The following FKBP5 variants were observed in gnomAD, a reference collection of about 807,000 sequenced individuals.
The protein encoded by FKBP5 is FKBP prolyl isomerase 5.
FKBP5 carries 23 observed loss-of-function variants against 50.5 expected under a neutral mutation model. That is an observed-to-expected ratio of 0.46 (90% confidence interval 0.33 to 0.65). FKBP5 has a LOEUF of 0.65. Ranked by LOEUF, FKBP5 falls within the 30% of genes least tolerant of loss-of-function variation. The pLI is 0.02. For synonymous variants in FKBP5, 176 were observed against 190.6 expected (o/e 0.92, Z 0.63); for missense variants, 411 against 553.1 (o/e 0.74, Z 2.58).
At chr6:35,695,312 C>T (rs1236479179) in intron 2 of FKBP5, among the ~76,000 whole-genome samples, 7 of 152,234 alleles carry the variant, frequency 4.6e-5, no homozygotes, top group South Asian at 2.1e-4. Flanking sequence ...TACAGGTGCA[C>T]GCCACAACGC....
At chr6:35,682,140 C>G (rs1765684890) in intron 1 of FKBP5, among the ~76,000 whole-genome samples, 1 of 142,414 alleles carries the variant, frequency 7.0e-6, no homozygotes, top group Admixed American at 6.9e-5. Context: ...AACAGTGTTA[C>G]CATCCACTAG....
rs1468534749 is a variant in FKBP5, at chr6:35,719,316, G to A, written c.-20+1012C>T. 3.9e-5 allele frequency among the ~76,000 whole-genome samples: 6 copies of A among 152,140 alleles called. No individual in the cohort carries two copies. In the East Asian group the frequency reaches 5.8e-4, roughly 15 times the overall value. ...AGAAATCAGAATCAGTTGCCTCTGCGGTAGAGACTGACTGGAAGGGGGCAC... is the reference window on the plus strand; with the variant it reads ...AGAAATCAGAATCAGTTGCCTCTGCAGTAGAGACTGACTGGAAGGGGGCAC... On this transcript the variant is annotated intron_variant, in intron 2 of 11. Coordinates refer to the FKBP5 transcript ENST00000536438.
chr6:35,692,443 G>A (rs570148975), upstream of FKBP5, among the ~76,000 whole-genome samples: 3 of 152,272 alleles, frequency 2.0e-5, no homozygotes, highest in Admixed American at 6.5e-5. Context: ...AACTACTACC[G>A]AGCTACCTTC....
At chr6:35,625,560 T>C (rs1219490596) in intron 3 of FKBP5, among the ~76,000 whole-genome samples, 2 of 149,986 alleles carry the variant, frequency 1.3e-5, no homozygotes, top group Non-Finnish European at 3.0e-5. Flanking sequence ...CACGGTGAAA[T>C]CCCGTCTCTA....
chr6:35,663,198 GA>G (rs780472071), intron 1 of FKBP5, among the ~76,000 whole-genome samples: 1 of 152,184 alleles, frequency 6.6e-6, no homozygotes, highest in East Asian at 1.9e-4. Context: ...AGCTGAGGGG[GA>G]GGGCTTCTCA....
chr6:35,685,958 G>A (rs1199647746), intron 1 of FKBP5, among the ~76,000 whole-genome samples: 1 of 146,086 alleles, frequency 6.8e-6, no homozygotes, highest in African/African-American at 2.6e-5. Context: ...CTCCAGCCTG[G>A]GCAACAAGAG....
At position 35,575,879 on chromosome 6, in the gene FKBP5, CTGTT is replaced by C. The variant is rs771124265; in HGVS notation, c.1326_1329del (p.Asp444ValfsTer24). 1.2e-6 allele frequency: 2 copies of C among 1,613,984 alleles called. No homozygotes were observed. The highest frequency in any genetic ancestry group is 1.3e-5 in the African/African-American group (1 of 74,928). ...TTCTCTTCTTCCATTGCTTGACTGT[CTGTT>C]CCTTTTTCATTAGTGACCCCTTCTG... On this transcript the variant is annotated frameshift_variant, in exon 11 of 11. Coordinates refer to ENST00000357266, the MANE Select transcript of FKBP5 (RefSeq NM_004117.4). LOFTEE classifies it high-confidence loss of function.
chr6:35,582,423 T>A, intron 8 of FKBP5: 1 of 494,780 alleles, frequency 2.0e-6, no homozygotes. Context: ...GGGTGGGGCC[T>A]CATGATGGGA....
At chr6:35,586,353 G>C (rs540077440) in intron 8 of FKBP5, 1 of 985,086 alleles carries the variant, frequency 1.0e-6, no homozygotes, top group Non-Finnish European at 1.2e-6. Context: ...ATAAAAGCAA[G>C]TGTGCAGGAA....
intron 8 of FKBP5, chr6:35,583,500 C>T (rs1214641610): frequency 1.0e-6 from 1 of 985,294 alleles, no homozygotes; most frequent in East Asian, 1.1e-4. Context: ...ATTTAGACTT[C>T]AACTTCCAAT....
At chr6:35,642,524 G>C (rs542460978) in intron 2 of FKBP5, among the ~76,000 whole-genome samples, 196 bp downstream of exon 2, 2 of 152,148 alleles carry the variant, frequency 1.3e-5, no homozygotes, top group African/African-American at 4.8e-5. Flanking sequence ...CTCAAGACCA[G>C]CCTGGGCAAC....
chr6:35,672,517 C>T (rs1403574701), intron 1 of FKBP5, among the ~76,000 whole-genome samples: 2 of 149,430 alleles, frequency 1.3e-5, no homozygotes, highest in African/African-American at 2.5e-5. Context: ...CAGAGGTCTA[C>T]GACATCTTTA....
In FKBP5 at chr6:35,615,546, A is replaced by G. The variant is rs548669118; in HGVS notation, c.508+3550T>C. Among the ~76,000 whole-genome samples the G allele has an allele frequency of 6.9e-4, 105 of 152,352 alleles. 2 individuals carry two copies. In the South Asian group the frequency reaches 0.02, roughly 29 times the overall value. On this transcript the variant is annotated intron_variant, in intron 5 of 10. Transcript: ENST00000357266. The stretch of plus-strand genomic sequence containing the variant: ...TGGGACAATGTGAACAACAAAATAA[A>G]TAAGAATAGTAATGAATAATAACTT...
At chr6:35,583,740 T>C (rs928830187) in intron 8 of FKBP5, 14 of 973,392 alleles carry the variant, frequency 1.4e-5, no homozygotes, top group Non-Finnish European at 1.7e-5. Flanking sequence ...ACTCCAAATG[T>C]TGATAGTACT....
chr6:35,630,418 A>G (rs930644011), intron 3 of FKBP5, among the ~76,000 whole-genome samples: 5 of 151,950 alleles, frequency 3.3e-5, no homozygotes, highest in African/African-American at 1.2e-4. Context: ...ATGGTGGTGC[A>G]TGCCTGTAAT....
rs1176270523 is a variant in FKBP5 at position 35,696,308 on chromosome 6, C to A, written c.-20+24020G>T. ...AGGCAGGTGGAAGGAGTGCTTGAGT[C>A]CAGGAGTTCAAGACCAACCTGGACA... On this transcript the variant is annotated intron_variant, in intron 2 of 11. Transcript: ENST00000536438. Among the ~76,000 whole-genome samples the A allele has an allele frequency of 2.0e-5, 3 of 151,788 alleles. No individual in the cohort carries two copies. The East Asian group carries it at 5.8e-4, about 30-fold the overall frequency.
At position 35,672,862 on chromosome 6, in the gene FKBP5, G is replaced by A. The variant is rs560151870; in HGVS notation, c.-20+15942C>T. ...GGAGAATGGCGTGAACCTGAGAGGC[G>A]GAGCTTGCAGTGAGCCGAGATCGCG... On this transcript the variant is annotated intron_variant, in intron 1 of 10. Coordinates refer to ENST00000357266, the MANE Select transcript of FKBP5 (RefSeq NM_004117.4). 4.6e-5 allele frequency among the ~76,000 whole-genome samples: 7 copies of A among 151,892 alleles called. No individual in the cohort carries two copies. In the South Asian group the frequency reaches 1.0e-3, roughly 23 times the overall value.
chr6:35,715,410 T>TTA (rs572998415), intron 2 of FKBP5, among the ~76,000 whole-genome samples: 68 of 152,270 alleles, frequency 4.5e-4, no homozygotes, highest in African/African-American at 1.4e-3. Flanking sequence ...TTAAACAAGC[T>TTA]TATATATATA....
chr6:35,702,649 T>G (rs997869256), intron 2 of FKBP5, among the ~76,000 whole-genome samples: 1 of 151,938 alleles, frequency 6.6e-6, no homozygotes, highest in African/African-American at 2.4e-5. Flanking sequence ...AGATGAGGTT[T>G]CACCGTGTTA....
Sources: gnomAD v4.1 joint callset for allele counts (sites outside exome capture counted in the v4.1 genomes callset) on GRCh38, gnomAD v4.1.1 for gene constraint, MANE v1.5 for transcripts, NCBI Gene and HGNC (gene_info 2026-07-23, HGNC 2026-07-21) for gene names.